The following TRRAP variants were observed in gnomAD, a reference collection of about 807,000 sequenced individuals.
TRRAP encodes transformation/transcription domain associated protein.
TRRAP carries 41 observed loss-of-function variants against 438.8 expected under a neutral mutation model. The ratio of observed to expected loss-of-function variants is 0.09; its 90% CI spans 0.07 to 0.12. The LOEUF (loss-of-function observed/expected upper bound fraction) is 0.12. Among genes scored for constraint, TRRAP ranks in the 10% least tolerant of loss-of-function variants. The probability of loss-of-function intolerance (pLI) is 1.00; values close to 1 mark genes in which losing one functional copy is unlikely to be tolerated. For synonymous variants in TRRAP, 1,994 were observed against 1,962.9 expected (o/e 1.02, Z -0.42); for missense variants, 3,122 against 5,055.1 (o/e 0.62, Z 11.60).
chr7:98,948,139 A>G lies in TRRAP; in HGVS notation c.4549-82A>G, dbSNP rs1791171255. The G allele has an allele frequency of 2.5e-6, 4 of 1,587,408 alleles. No individual in the cohort carries two copies. Among genetic ancestry groups the G allele is most frequent in the South Asian group, 1.1e-5 (1 of 89,458 alleles). On this transcript the variant is annotated intron_variant, in intron 33 of 72. Coordinates refer to ENST00000456197, the MANE Select transcript of TRRAP (RefSeq NM_001375524.1). This position sits in a 1 kb window ranked among gnomAD's most constrained non-coding sequence, Gnocchi z 4.9. Reference sequence around the variant, plus strand: ...CTAGCCTTGCCAACATAGTTAGACTATAGTAGGGTCTGTAGTGACGTTGAC... The same window carrying G: ...CTAGCCTTGCCAACATAGTTAGACTGTAGTAGGGTCTGTAGTGACGTTGAC...
rs1335839859 is a variant in TRRAP, at chr7:98,978,258, T to C, written c.8433T>C (p.His2811=). The change falls in exon 57 of 73, where the codon CAT becomes CAC. Residue 2811 remains histidine, a synonymous_variant. Coordinates refer to ENST00000456197, the MANE Select transcript of TRRAP (RefSeq NM_001375524.1). ...CAATGGATAAAGCCAAAAAAGAACA[T>C]GAGAGGAGTAACGCCTCCCCTGCTA... is the stretch of plus-strand genomic sequence containing the variant. ...EKAMDKAKKE[H]ERSNASPAIF... 1 of 1,614,126 alleles carries C rather than the reference T, an allele frequency of 6.2e-7. No individual in the cohort carries two copies. Among genetic ancestry groups the C allele is most frequent in the South Asian group, 1.1e-5 (1 of 91,070 alleles).
At chr7:98,898,551 C>T (rs557510314) in intron 8 of TRRAP, among the ~76,000 whole-genome samples, 33 of 152,252 alleles carry the variant, frequency 2.2e-4, no homozygotes, top group Admixed American at 1.6e-3. Flanking sequence ...ACGCTTTCCT[C>T]CTTTTGTTGT....
rs781827842 is a variant in TRRAP, at chr7:98,948,631, G to A, written c.4734G>A (p.Glu1578=). 3.1e-6 allele frequency: 5 copies of A among 1,614,234 alleles called. No individual in the cohort carries two copies. The highest frequency in any genetic ancestry group is 4.2e-6 in the Non-Finnish European group (5 of 1,180,052). The change falls in exon 35 of 73, where the codon GAG becomes GAA. Residue 1578 remains glutamate (E), a synonymous_variant. Coordinates refer to ENST00000456197, the MANE Select transcript of TRRAP (RefSeq NM_001375524.1). The surrounding 1 kb of genome is among the most constrained non-coding windows in gnomAD (Gnocchi z 4.9). The part of the protein sequence containing the change: ...FLTRHPSQTV[E]LFMMEATLND... ...CTCGACATCCCTCGCAGACAGTGGA[G>A]CTGTTCATGATGGAAGCCACACTGA... is the stretch of plus-strand genomic sequence containing the variant.
chr7:98,912,108 A>G lies in TRRAP; in HGVS notation c.2094A>G (p.Pro698=), dbSNP rs781906168. 6.2e-7 allele frequency: 1 copy of G among 1,614,218 alleles called. No homozygotes were observed. Among genetic ancestry groups the G allele is most frequent in the Non-Finnish European group, 8.5e-7 (1 of 1,180,040 alleles). Reference sequence around the variant, plus strand: ...TGGAATATCTCCTTGATCGCCTGCCAGAAATGGGCTCCAACGTGGAGCTCT... The same window carrying G: ...TGGAATATCTCCTTGATCGCCTGCCGGAAATGGGCTCCAACGTGGAGCTCT... ...ILVEYLLDRL[P]EMGSNVELSN... The change falls in exon 18 of 73, where the codon CCA becomes CCG. Residue 698 remains proline (P), a synonymous_variant. Transcript: ENST00000456197.
intron 12 of TRRAP, 42 bp downstream of exon 12, chr7:98,903,559 T>C: frequency 6.2e-7 from 1 of 1,609,282 alleles, no homozygotes; most frequent in Non-Finnish European, 8.5e-7. Flanking sequence ...ATGCTAGTCC[T>C]GTGGCCATCT....
chr7:98,899,591 C>T, intron 9 of TRRAP, 88 bp from the exon 10 acceptor site: 1 of 1,598,880 alleles, frequency 6.3e-7, no homozygotes, highest in South Asian at 1.1e-5. Flanking sequence ...TACACACATG[C>T]TAAATAATGT....
chr7:98,932,376 G>A (rs183779538), intron 26 of TRRAP, among the ~76,000 whole-genome samples: 15 of 152,290 alleles, frequency 9.8e-5, no homozygotes, highest in Admixed American at 2.6e-4. Flanking sequence ...GCCTCCCAAA[G>A]TGCTGGGATT....
At chr7:98,980,268 A>C (rs1471688019) in intron 58 of TRRAP, among the ~76,000 whole-genome samples, 3 of 152,138 alleles carry the variant, frequency 2.0e-5, no homozygotes, top group Non-Finnish European at 2.9e-5. Context: ...CCATCATGGC[A>C]CTCATGTGTG....
At chr7:98,896,908 A>G (rs1336654473) in intron 7 of TRRAP, among the ~76,000 whole-genome samples, 2 of 151,370 alleles carry the variant, frequency 1.3e-5, no homozygotes, top group Non-Finnish European at 2.9e-5. Context: ...ACTGAGAGCG[A>G]AGGTTGGCAG....
chr7:98,953,047 GT>G lies in TRRAP; in HGVS notation c.5464-119del. 4.9e-5 allele frequency: 2 copies of G among 40,454 alleles called. 1 individual carries two copies. Among genetic ancestry groups the G allele is most frequent in the Non-Finnish European group, 2.1e-4 (2 of 9,348 alleles). The allele number at this position is 40,454 out of a possible 1,614,324, so 2.5% of individuals were successfully genotyped here. A position where few individuals can be genotyped will look rare whatever the true frequency, so the allele number is the denominator to read the frequency against. ...CATGTTACATTGTGTGTGTGTGTGT[GT>G]GTGTGTGTGTGTGTGTGTGTGTGTG... On this transcript the variant is annotated intron_variant, in intron 39 of 72. Transcript: ENST00000456197.
chr7:98,880,296 C>T (rs1554402867), intron 1 of TRRAP, among the ~76,000 whole-genome samples: 1 of 137,332 alleles, frequency 7.3e-6, no homozygotes, highest in Non-Finnish European at 1.5e-5. Context: ...CTGAACCTTG[C>T]TCTATTGCCC....
chr7:99,004,454 C>T (rs776594551), intron 68 of TRRAP, 39 bp downstream of exon 68: 21 of 1,577,842 alleles, frequency 1.3e-5, no homozygotes, highest in East Asian at 6.7e-5. Flanking sequence ...TAACCCACGG[C>T]GCCCATGGAC....
intron 1 of TRRAP, among the ~76,000 whole-genome samples, chr7:98,879,928 G>A (rs1353207347): frequency 6.6e-6 from 1 of 152,204 alleles, no homozygotes; most frequent in Non-Finnish European, 1.5e-5. Flanking sequence ...GAAACCACCT[G>A]TTAGTGCAGA....
At chr7:98,967,820 CT>C in intron 51 of TRRAP, 122 bp downstream of exon 51, 1 of 844,888 alleles carries the variant, frequency 1.2e-6, no homozygotes, top group Non-Finnish European at 1.8e-6. Context: ...CACAAACCTG[CT>C]TCTGATCTCC....
intron 46 of TRRAP, 118 bp from the exon 47 acceptor site, chr7:98,962,184 G>A: frequency 1.3e-6 from 2 of 1,487,716 alleles, no homozygotes; most frequent in Non-Finnish European, 9.2e-7. Flanking sequence ...CCTGCAGGGA[G>A]AGAAGTGCCC....
Position 99,012,500 on chromosome 7 carries a change from G to A in TRRAP, c.*145G>A, listed in dbSNP as rs113993695. On this transcript the variant is annotated 3_prime_UTR_variant, in exon 73 of 73. Transcript: ENST00000456197. This position sits in a 1 kb window ranked among gnomAD's most constrained non-coding sequence, Gnocchi z 5.9. ...TGCGGTTATTTTCCTGGTAGTTTGCGTGTAAGAAAGGGAGAATATAGTTTT... is the reference window on the plus strand; with the variant it reads ...TGCGGTTATTTTCCTGGTAGTTTGCATGTAAGAAAGGGAGAATATAGTTTT... 1,047 of 995,782 alleles carry A rather than the reference G, an allele frequency of 1.1e-3. 4 individuals are homozygous for A. The African/African-American group carries it at 0.012, about 11-fold the overall frequency. The allele number at this position is 995,782 out of a possible 1,614,324, so 61.7% of individuals were successfully genotyped here. A position where few individuals can be genotyped will look rare whatever the true frequency, so the allele number is the denominator to read the frequency against.
At chr7:98,967,354 C>A in intron 50 of TRRAP, 131 bp from the exon 51 acceptor site, 1 of 1,272,342 alleles carries the variant, frequency 7.9e-7, no homozygotes, top group Non-Finnish European at 1.1e-6. Flanking sequence ...GAGCCTGCCA[C>A]GATTTATAAC....
intron 33 of TRRAP, among the ~76,000 whole-genome samples, chr7:98,946,225 G>A (rs1554416777): frequency 3.9e-5 from 6 of 152,196 alleles, no homozygotes; most frequent in African/African-American, 1.4e-4. Context: ...ATTAGATTTT[G>A]TGTTCGTAAC....
At chr7:98,889,558 A>ATT (rs1554404500) in intron 3 of TRRAP, among the ~76,000 whole-genome samples, 1,621 of 72,194 alleles carry the variant, frequency 0.022, 19 homozygotes, top group Non-Finnish European at 0.041. Flanking sequence ...TTTTTTTTAA[A>ATT]AAAAATAGAG....
Sources: allele counts gnomAD v4.1 joint callset (sites outside exome capture counted in the v4.1 genomes callset), GRCh38; gene constraint gnomAD v4.1.1; non-coding constraint Gnocchi (gnomAD v3.1); transcripts MANE v1.5; gene names NCBI Gene and HGNC (gene_info 2026-07-23, HGNC 2026-07-21).